Variants in DLG2 observed in about 807,000 individuals in gnomAD.
DLG2 encodes the protein discs large MAGUK scaffold protein 2, also known as disks large homolog 2.
In DLG2, 45 loss-of-function variants were observed where a neutral mutation model predicts 132.5. The observed-to-expected ratio is 0.34, with a 90% CI of 0.27 to 0.44. DLG2 has a LOEUF of 0.44. Ranked by LOEUF, DLG2 falls within the 20% of genes least tolerant of loss-of-function variation. The pLI is 1.00. For missense variants in DLG2, 1,045 were observed against 1,196.9 expected (o/e 0.87, Z 1.87); for synonymous variants, 424 against 419.6 (o/e 1.01, Z -0.13).
In DLG2 at chr11:84,666,781, A is replaced by G. The variant is rs112429459; in HGVS notation, c.358-132050T>C. ...TTTTGAGGTAATTATAATTATCCCT[A>G]TTTCATGGCTGAAGAAATAAAGCTT... On this transcript the variant is annotated intron_variant, in intron 6 of 27. Transcript: ENST00000376104. Among the ~76,000 whole-genome samples, 1,000 of 152,212 alleles carry G rather than the reference A, an allele frequency of 6.6e-3. 11 individuals carry two copies. Among genetic ancestry groups the G allele is most frequent in the African/African-American group, 0.023 (936 of 41,554 alleles).
intron 4 of DLG2, among the ~76,000 whole-genome samples, chr11:85,230,537 A>T (rs1430464611): frequency 6.6e-6 from 1 of 151,708 alleles, no homozygotes; most frequent in Non-Finnish European, 1.5e-5. Flanking sequence ...CACCATTTTA[A>T]AGATGTAGTT....
intron 6 of DLG2, among the ~76,000 whole-genome samples, chr11:84,718,479 G>T (rs950356296): frequency 6.6e-6 from 1 of 152,078 alleles, no homozygotes; most frequent in Non-Finnish European, 1.5e-5. Context: ...TGGTTTGAAA[G>T]TTAGGGGAAA....
intron 11 of DLG2, among the ~76,000 whole-genome samples, chr11:84,034,578 G>A (rs1457662813): frequency 6.6e-6 from 1 of 152,070 alleles, no homozygotes; most frequent in East Asian, 1.9e-4. Flanking sequence ...CCTAGGCAGA[G>A]GTCAGTCTTG....
chr11:84,853,035 A>G, intron 6 of DLG2, among the ~76,000 whole-genome samples: 1 of 152,032 alleles, frequency 6.6e-6, no homozygotes, highest in East Asian at 1.9e-4. Context: ...TGCTTCACAC[A>G]GTTTCCTCAG....
intron 10 of DLG2, among the ~76,000 whole-genome samples, chr11:84,069,635 T>C (rs2096727809): frequency 6.6e-6 from 1 of 152,242 alleles, no homozygotes. Flanking sequence ...GTGAATGTAC[T>C]GTTTTTCCCC....
At chr11:85,190,544 A>C (rs2080446519) in intron 4 of DLG2, among the ~76,000 whole-genome samples, 1 of 152,194 alleles carries the variant, frequency 6.6e-6, no homozygotes. Flanking sequence ...GAGATGTAAA[A>C]TTCATTTGAA....
chr11:85,219,819 C>A (rs768210570), intron 4 of DLG2, among the ~76,000 whole-genome samples: 1 of 151,036 alleles, frequency 6.6e-6, no homozygotes, highest in Non-Finnish European at 1.5e-5. Context: ...CAGGGAAATG[C>A]GATTTCACCT....
chr11:85,337,916 A>G (rs563356696), intron 3 of DLG2, among the ~76,000 whole-genome samples: 1 of 152,256 alleles, frequency 6.6e-6, no homozygotes, highest in Non-Finnish European at 1.5e-5. Flanking sequence ...GTAATCATTA[A>G]AGTTAAAAAT....
At chr11:84,218,831 A>C (rs543362040) in intron 8 of DLG2, among the ~76,000 whole-genome samples, 7 of 152,230 alleles carry the variant, frequency 4.6e-5, no homozygotes, top group Non-Finnish European at 8.8e-5. Flanking sequence ...GAAGCTGCTA[A>C]ACATTCTACA....
intron 3 of DLG2, among the ~76,000 whole-genome samples, chr11:85,484,318 A>C (rs1278482258): frequency 6.9e-6 from 1 of 145,364 alleles, no homozygotes; most frequent in African/African-American, 2.6e-5. Flanking sequence ...AAAACACCAA[A>C]AGCAATGGCA....
At chr11:85,336,804 C>T (rs2082164280) in intron 3 of DLG2, among the ~76,000 whole-genome samples, 1 of 152,208 alleles carries the variant, frequency 6.6e-6, no homozygotes, top group Non-Finnish European at 1.5e-5. Flanking sequence ...TGACCACTTT[C>T]ACTTCATTAG....
intron 7 of DLG2, among the ~76,000 whole-genome samples, chr11:84,509,885 G>T (rs1357638499): frequency 6.6e-6 from 1 of 151,938 alleles, no homozygotes; most frequent in Non-Finnish European, 1.5e-5. Context: ...AGATAATTGA[G>T]AAAGGGAAAG....
intron 6 of DLG2, among the ~76,000 whole-genome samples, chr11:84,658,434 C>T (rs531821202): frequency 3.1e-4 from 47 of 152,170 alleles, no homozygotes; most frequent in African/African-American, 9.4e-4. Flanking sequence ...CTGGAATTCT[C>T]GTGAATGGGA....
At chr11:84,868,106 A>G (rs576879339) in intron 6 of DLG2, among the ~76,000 whole-genome samples, 1 of 148,066 alleles carries the variant, frequency 6.8e-6, no homozygotes, top group Non-Finnish European at 1.5e-5. Flanking sequence ...ATAATATATT[A>G]TTATATATTA....
At chr11:85,603,237 T>C (rs1312383656) in intron 2 of DLG2, among the ~76,000 whole-genome samples, 1 of 152,232 alleles carries the variant, frequency 6.6e-6, no homozygotes, top group Non-Finnish European at 1.5e-5. Flanking sequence ...TTAATCCCCA[T>C]TTTGTCAATA....
At chr11:85,429,437 A>G (rs1448903812) in intron 3 of DLG2, among the ~76,000 whole-genome samples, 1 of 152,222 alleles carries the variant, frequency 6.6e-6, no homozygotes, top group Non-Finnish European at 1.5e-5. Flanking sequence ...ACAGAATGGG[A>G]GAAAATTTTT....
intron 9 of DLG2, among the ~76,000 whole-genome samples, chr11:84,121,360 T>C (rs1251437392): frequency 6.6e-6 from 1 of 152,110 alleles, no homozygotes; most frequent in Non-Finnish European, 1.5e-5. Flanking sequence ...TCTATGTTTA[T>C]TACAGAACTA....
intron 7 of DLG2, among the ~76,000 whole-genome samples, chr11:84,289,858 G>A (rs2097962567): frequency 6.6e-6 from 1 of 152,168 alleles, no homozygotes; most frequent in South Asian, 2.1e-4. Context: ...ACTGTGTGAT[G>A]ATCAGAGAAA....
chr11:83,600,395 C>T (rs2058353469), intron 19 of DLG2, among the ~76,000 whole-genome samples: 1 of 151,998 alleles, frequency 6.6e-6, no homozygotes, highest in Non-Finnish European at 1.5e-5. Context: ...TATACATCTC[C>T]TTTTCTGCTA....
Sources: gnomAD v4.1 joint callset for allele counts (sites outside exome capture counted in the v4.1 genomes callset) on GRCh38, gnomAD v4.1.1 for gene constraint, MANE v1.5 for transcripts, NCBI Gene and HGNC (gene_info 2026-07-23, HGNC 2026-07-21) for gene names.